Variants in ZC3H13 observed in about 807,000 individuals in gnomAD.
ZC3H13 encodes zinc finger CCCH-type containing 13, also known as zinc finger CCCH domain-containing protein 13.
Under a neutral mutation model 204.1 loss-of-function variants are expected in ZC3H13, and 64 were observed. That is an observed-to-expected ratio of 0.31 (90% CI 0.26 to 0.39). The LOEUF (loss-of-function observed/expected upper bound fraction) is 0.39, where lower values mean the gene tolerates loss of function less well. Ranked by LOEUF, ZC3H13 falls within the 10% of genes least tolerant of loss-of-function variation. ZC3H13 has a pLI of 1.00. For missense variants in ZC3H13, 1,833 were observed against 2,082.7 expected (o/e 0.88, Z 2.33); for synonymous variants, 667 against 693.7 (o/e 0.96, Z 0.60).
intron 9 of ZC3H13, among the ~76,000 whole-genome samples, chr13:45,988,406 T>C (rs913241750): frequency 6.6e-6 from 1 of 152,118 alleles, no homozygotes; most frequent in Non-Finnish European, 1.5e-5. Flanking sequence ...TACAGGTGCA[T>C]GCCACCATGC....
At chr13:45,993,283 C>T (rs1284938798) in intron 8 of ZC3H13, among the ~76,000 whole-genome samples, 2 of 152,098 alleles carry the variant, frequency 1.3e-5, no homozygotes, top group African/African-American at 4.8e-5. Flanking sequence ...GGCAGGAATA[C>T]CGGCTATTTG....
At position 45,979,848 on chromosome 13, in the gene ZC3H13, T is replaced by G. The variant is rs556337484; in HGVS notation, c.1877A>C (p.His626Pro). ...QARDSSFERR[H>P]GERDRRDNRE... ...GTTGTCACGACGGTCTCGCTCTCCA[T>G]GTCTTCTCTCAAAGGAAGAATCCCT... The change falls in exon 11 of 19, where the codon CAT (histidine) becomes CCT (proline). Residue 626 changes from histidine to proline, a missense_variant. His to Pro is a moderately conservative substitution (Grantham distance 77). Transcript: ENST00000679008. 6.8e-5 allele frequency: 109 copies of G among 1,603,024 alleles called. 1 individual carries two copies. The South Asian group carries it at 1.2e-3, about 18-fold the overall frequency.
rs531777003 is a variant in ZC3H13 at position 46,040,175 on chromosome 13, C to T, written c.339+1989G>A. Among the ~76,000 whole-genome samples, 6 of 152,252 alleles carry T rather than the reference C, an allele frequency of 3.9e-5. No individual in the cohort carries two copies. The South Asian group carries it at 1.2e-3, about 32-fold the overall frequency. On this transcript the variant is annotated intron_variant, in intron 4 of 18. Transcript: ENST00000679008. ...TTTTTAAGACTGTATCACTGTATAA[C>T]ATTAGACATTAGAAAACTAAATACT...
intron 8 of ZC3H13, among the ~76,000 whole-genome samples, chr13:45,990,130 G>A (rs1481726408): frequency 1.3e-5 from 2 of 152,020 alleles, no homozygotes; most frequent in Non-Finnish European, 2.9e-5. Flanking sequence ...CTCTTCGGAG[G>A]AGGGGGAGTG....
chr13:46,032,379 A>C (rs1163396993), intron 4 of ZC3H13, among the ~76,000 whole-genome samples: 2 of 132,868 alleles, frequency 1.5e-5, no homozygotes, highest in Non-Finnish European at 3.2e-5. Context: ...AAAAAAAAAA[A>C]CAGAGAAAAT....
At chr13:45,991,617 A>G (rs2039978097) in intron 8 of ZC3H13, among the ~76,000 whole-genome samples, 1 of 152,222 alleles carries the variant, frequency 6.6e-6, no homozygotes, top group African/African-American at 2.4e-5. Flanking sequence ...CTTATGCTTT[A>G]TAATTGGCTG....
At chr13:45,979,776 T>A in intron 11 of ZC3H13, 37 bp downstream of exon 11, 1 of 1,516,674 alleles carries the variant, frequency 6.6e-7, no homozygotes, top group Non-Finnish European at 8.8e-7. Context: ...GCCCAATTGA[T>A]ATTGTTCACT....
chr13:46,031,000 A>T (rs1031903348), intron 4 of ZC3H13, among the ~76,000 whole-genome samples: 1 of 152,138 alleles, frequency 6.6e-6, no homozygotes, highest in Admixed American at 6.5e-5. Context: ...CGAAGTCATG[A>T]GATTGACACT....
At chr13:46,052,340 C>G (rs1593868346) in intron 1 of ZC3H13, 64 bp downstream of exon 1, 1 of 393,522 alleles carries the variant, frequency 2.5e-6, no homozygotes, top group Non-Finnish European at 4.5e-6. Context: ...TAACCCGGGC[C>G]TCCGCATTAC....
At position 45,967,902 on chromosome 13, in the gene ZC3H13, T is replaced by A. The variant is rs1348907860; in HGVS notation, c.3923A>T (p.Asp1308Val). Residue 1308 changes from aspartate (D) to valine (V), a missense_variant, in exon 15 of 19, where the codon GAC (aspartate) becomes GTC (valine). By Grantham distance (152) the Asp-to-Val change is radical. Transcript: ENST00000679008. ...RLQERDRYEH[D>V]RERERERRDT... ...TCTCCTCTCTCTCTCGCGCTCTCTG[T>A]CGTGTTCATATCGATCTCGTTCTTG... 6.2e-7 allele frequency: 1 copy of A among 1,614,086 alleles called. No individual in the cohort carries two copies. The highest frequency in any genetic ancestry group is 1.1e-5 in the South Asian group (1 of 91,084).
intron 4 of ZC3H13, among the ~76,000 whole-genome samples, chr13:46,021,632 C>T (rs1447304859): frequency 6.6e-6 from 1 of 151,766 alleles, no homozygotes; most frequent in African/African-American, 2.4e-5. Context: ...GTAAATATTA[C>T]TGACAAAATT....
chr13:45,984,160 A>G (rs1439289405), intron 10 of ZC3H13, among the ~76,000 whole-genome samples: 1 of 152,250 alleles, frequency 6.6e-6, no homozygotes, highest in African/African-American at 2.4e-5. Context: ...AGTTGAAAAT[A>G]GTAGGATATA....
intron 1 of ZC3H13, 49 bp downstream of exon 1, chr13:46,052,355 C>G: frequency 2.5e-6 from 1 of 394,688 alleles, no homozygotes; most frequent in Non-Finnish European, 4.5e-6. Context: ...CATTACGGGT[C>G]CGCTCAATGC....
chr13:45,974,628 G>A (rs1310772506), intron 12 of ZC3H13, among the ~76,000 whole-genome samples: 1 of 151,970 alleles, frequency 6.6e-6, no homozygotes, highest in Non-Finnish European at 1.5e-5. Context: ...TCTCATCTTC[G>A]AACCATGCAG....
At chr13:45,958,242 C>T (rs574174478) in intron 18 of ZC3H13, among the ~76,000 whole-genome samples, 2 of 152,144 alleles carry the variant, frequency 1.3e-5, no homozygotes, top group Non-Finnish European at 2.9e-5. Flanking sequence ...GAGTATTTTT[C>T]TTTAATGAAG....
rs1952365854 is a variant in ZC3H13 at position 45,969,239 on chromosome 13, GGAA to G, written c.3302_3304del (p.Leu1101del). 6.2e-7 allele frequency: 1 copy of G among 1,613,966 alleles called. No homozygotes were observed. Reference sequence around the variant, plus strand: ...GGCAGTAGCCACAGGCGGTGGAGGAGGAAGAAGAGAAGATAGAGGAGAAGGGGT... The same window carrying G: ...GGCAGTAGCCACAGGCGGTGGAGGAGGAAGAGAAGATAGAGGAGAAGGGGT... On this transcript the variant is annotated inframe_deletion, in exon 14 of 19. Coordinates refer to ENST00000679008, the MANE Select transcript of ZC3H13 (RefSeq NM_001330564.2).
Position 45,975,749 on chromosome 13 carries a change from C to G in ZC3H13, c.2002G>C (p.Val668Leu). 1.2e-6 allele frequency: 2 copies of G among 1,613,964 alleles called. No individual in the cohort carries two copies. Among genetic ancestry groups the G allele is most frequent in the Non-Finnish European group, 1.7e-6 (2 of 1,179,898 alleles). ...ERREERRVDR[V>L]DDRRDERARE... is the part of the protein sequence containing the mutation. ...GCCCTTTCATCTCTCCTATCATCCA[C>G]TCTGTCTACTCTTCGTTCCTCTCTT... The change falls in exon 12 of 19, where the codon GTG becomes CTG. Residue 668 changes from valine to leucine, a missense_variant. Val to Leu is a conservative substitution (Grantham distance 32). Coordinates refer to ENST00000679008, the MANE Select transcript of ZC3H13 (RefSeq NM_001330564.2).
At chr13:46,024,998 T>C (rs1331325258) in intron 4 of ZC3H13, among the ~76,000 whole-genome samples, 1 of 152,216 alleles carries the variant, frequency 6.6e-6, no homozygotes, top group Non-Finnish European at 1.5e-5. Flanking sequence ...TGGATTTACT[T>C]ACATCTTTCC....
At chr13:46,032,658 C>G (rs866004774) in intron 4 of ZC3H13, among the ~76,000 whole-genome samples, 3 of 152,056 alleles carry the variant, frequency 2.0e-5, no homozygotes, top group Non-Finnish European at 4.4e-5. Context: ...TTATATTTCC[C>G]TAAGACACAG....
Sources: gnomAD v4.1 joint callset for allele counts (sites outside exome capture counted in the v4.1 genomes callset) on GRCh38, gnomAD v4.1.1 for gene constraint, MANE v1.5 for transcripts, NCBI Gene and HGNC (gene_info 2026-07-23, HGNC 2026-07-21) for gene names.